Variants in PGPEP1 observed in about 807,000 individuals in gnomAD.
PGPEP1 encodes the protein pyroglutamyl-peptidase 1.
Under a neutral mutation model 24.1 loss-of-function variants are expected in PGPEP1, and 15 were observed. The ratio of observed to expected loss-of-function variants is 0.62; its 90% CI spans 0.42 to 0.96. The LOEUF (loss-of-function observed/expected upper bound fraction) is 0.96. Ranked by LOEUF, PGPEP1 falls within the 40% of genes least tolerant of loss-of-function variation. The pLI is 0.00. For missense variants in PGPEP1, 242 were observed against 273.4 expected (o/e 0.89, Z 0.81); for synonymous variants, 122 against 116.4 (o/e 1.05, Z -0.31).
intron 2 of PGPEP1, among the ~76,000 whole-genome samples, chr19:18,344,145 G>A (rs149247421): frequency 5.7e-4 from 69 of 121,210 alleles, no homozygotes; most frequent in African/African-American, 1.7e-3. Flanking sequence ...GGGTGGCAGG[G>A]GAACATATCT....
In PGPEP1 at chr19:18,366,410, A is replaced by C. The variant is rs1331204140; in HGVS notation, c.*2827A>C. The stretch of plus-strand genomic sequence containing the variant: ...TCACATTTCCTTACCCAGTCAAGCC[A>C]GTATCCCATCCTTCCTCATAATGCA... On this transcript the variant is annotated 3_prime_UTR_variant, in exon 5 of 5. Transcript: ENST00000269919. The C allele has an allele frequency of 6.6e-6, 1 of 152,146 alleles. No homozygotes were observed. The highest frequency in any genetic ancestry group is 1.9e-4 in the East Asian group (1 of 5,200). 9.4% of individuals were successfully genotyped at this position (152,146 alleles called of 1,614,324 possible).
Position 18,340,719 on chromosome 19 carries a change from C to T in PGPEP1, c.34+4C>T. On this transcript the variant is annotated splice_donor_region_variant and intron_variant, in intron 1 of 4. Coordinates refer to ENST00000269919, the MANE Select transcript of PGPEP1 (RefSeq NM_017712.4). ...AGGAAGGCGGTGGTAGTGACGGGTA[C>T]GCTGGCTGATGGGGGCTGTAGCGGC... The T allele has an allele frequency of 1.3e-6, 2 of 1,521,670 alleles. No homozygotes were observed. Among genetic ancestry groups the T allele is most frequent in the South Asian group, 1.2e-5 (1 of 81,752 alleles). The allele number at this position is 1,521,670 out of a possible 1,614,324, so 94.3% of individuals were successfully genotyped here.
chr19:18,350,532 C>T (rs1970990942), intron 2 of PGPEP1, among the ~76,000 whole-genome samples: 1 of 152,172 alleles, frequency 6.6e-6, no homozygotes, highest in Admixed American at 6.5e-5. Flanking sequence ...GCATTTATGC[C>T]CCACCCATCA....
chr19:18,348,138 T>C (rs1269366338), intron 2 of PGPEP1, among the ~76,000 whole-genome samples: 3 of 152,058 alleles, frequency 2.0e-5, no homozygotes, highest in Non-Finnish European at 4.4e-5. Flanking sequence ...CCGTCTCCCC[T>C]ACCTCTCAGG....
At position 18,363,383 on chromosome 19, in the gene PGPEP1, C is replaced by A. The variant is rs143122653; in HGVS notation, c.438-8C>A. 2.5e-6 allele frequency: 4 copies of A among 1,598,198 alleles called. No homozygotes were observed. Among genetic ancestry groups the A allele is most frequent in the Non-Finnish European group, 3.4e-6 (4 of 1,166,830 alleles). On this transcript the variant is annotated splice_region_variant and splice_polypyrimidine_tract_variant and intron_variant, in intron 4 of 4. Coordinates refer to ENST00000269919, the MANE Select transcript of PGPEP1 (RefSeq NM_017712.4). ...TCTCTCTCTTACCCGCCACGCCCTGCGGCTTAGATATCTCTGCGACTTTAC... is the reference window on the plus strand; with the variant it reads ...TCTCTCTCTTACCCGCCACGCCCTGAGGCTTAGATATCTCTGCGACTTTAC...
At chr19:18,359,815 C>G (rs903927104) in intron 4 of PGPEP1, among the ~76,000 whole-genome samples, 1 of 151,202 alleles carries the variant, frequency 6.6e-6, no homozygotes, top group African/African-American at 2.4e-5. Flanking sequence ...GCCTGGCCCT[C>G]TTTCCAGTCT....
At chr19:18,344,783 G>T (rs1970786425) in intron 2 of PGPEP1, among the ~76,000 whole-genome samples, 1 of 152,052 alleles carries the variant, frequency 6.6e-6, no homozygotes, top group Non-Finnish European at 1.5e-5. Context: ...GCCTTCACGG[G>T]GCTGAGTGGA....
intron 1 of PGPEP1, among the ~76,000 whole-genome samples, chr19:18,341,458 G>A (rs978656244): frequency 2.6e-5 from 4 of 152,162 alleles, no homozygotes; most frequent in African/African-American, 4.8e-5. Flanking sequence ...AGGAGTGGGG[G>A]GGTCATTTTG....
intron 2 of PGPEP1, 38 bp from the exon 3 acceptor site, chr19:18,355,857 A>T (rs201547816): frequency 7.7e-7 from 1 of 1,302,244 alleles, no homozygotes; most frequent in African/African-American, 1.4e-5. Context: ...CATAGCTGTC[A>T]TCTGGGGCCA....
rs761885894 is a variant in PGPEP1, at chr19:18,340,672, C to A, written c.-10C>A. On this transcript the variant is annotated 5_prime_UTR_variant, in exon 1 of 5. Transcript: ENST00000269919. ...ACAGAAGCAGGTCCGAGGCACAGCC[C>A]GATCCCGCCATGGAGCAGCCGAGGA... 7 of 1,541,464 alleles carry A rather than the reference C, an allele frequency of 4.5e-6. No homozygotes were observed. In the South Asian group the frequency reaches 7.1e-5, roughly 16 times the overall value.
intron 4 of PGPEP1, chr19:18,357,837 C>T (rs1198890606): frequency 1.8e-6 from 1 of 559,722 alleles, no homozygotes; most frequent in South Asian, 2.0e-5. Flanking sequence ...CCCACCAAGG[C>T]CCCCAGCATC....
chr19:18,346,690 T>G (rs112475085), intron 2 of PGPEP1, among the ~76,000 whole-genome samples: 32,930 of 143,496 alleles, frequency 0.23, 4,290 homozygotes, highest in Non-Finnish European at 0.27. Flanking sequence ...GCCCAGGCTG[T>G]AGTGCAATGG....
chr19:18,367,050 G>A lies in PGPEP1; in HGVS notation c.*3467G>A, dbSNP rs1378892406. 1 of 151,592 alleles carries A rather than the reference G, an allele frequency of 6.6e-6. No homozygotes were observed. Among genetic ancestry groups the A allele is most frequent in the Non-Finnish European group, 1.5e-5 (1 of 68,046 alleles). 9.4% of individuals were successfully genotyped at this position (151,592 alleles called of 1,614,324 possible). A position where few individuals can be genotyped will look rare whatever the true frequency, so the allele number is the denominator to read the frequency against. ...GCATGCCTGTGGTCCCAGATACTCA[G>A]GAGGCTGAGGCAGGAGGATCACCTA... is the stretch of plus-strand genomic sequence containing the variant. On this transcript the variant is annotated 3_prime_UTR_variant, in exon 5 of 5. Transcript: ENST00000269919.
Position 18,357,502 on chromosome 19 carries a change from C to G in PGPEP1, c.324C>G (p.Cys108Trp), listed in dbSNP as rs765068877. Residue 108 changes from cysteine (C) to tryptophan (W), a missense_variant, in exon 4 of 5, where the codon TGC (cysteine) becomes TGG (tryptophan). Cys to Trp is a radical substitution (Grantham distance 215, BLOSUM62 -2). Transcript: ENST00000269919. ...GCTTTTGCCCCGGCTCCCAGTGCTG[C>G]GTGGAGGACGGGCCTGAAAGCATTG... ...NCRFCPGSQC[C>W]VEDGPESIDS... 6.2e-7 allele frequency: 1 copy of G among 1,613,514 alleles called. No homozygotes were observed. The highest frequency in any genetic ancestry group is 1.7e-5 in the Admixed American group (1 of 59,920).
rs773630445 is a variant in PGPEP1 at position 18,355,934 on chromosome 19, C to T, written c.127C>T (p.His43Tyr). ...KLGLGDSVDLHVYEIPVEYQT... is the reference protein window; with the variant it reads ...KLGLGDSVDLYVYEIPVEYQT... Reference sequence around the variant, plus strand: ...AGGCCTTGGCGACAGCGTGGACCTGCATGTGTACGAGATTCCGGTTGAGTA... The same window carrying T: ...AGGCCTTGGCGACAGCGTGGACCTGTATGTGTACGAGATTCCGGTTGAGTA... Residue 43 changes from histidine (H) to tyrosine (Y), a missense_variant, in exon 3 of 5, where the codon CAT becomes TAT. Transcript: ENST00000269919. The T allele has an allele frequency of 6.1e-5, 98 of 1,613,454 alleles. No homozygotes were observed. Among genetic ancestry groups the T allele is most frequent in the Non-Finnish European group, 8.0e-5 (94 of 1,179,586 alleles).
At chr19:18,347,270 CTTT>C (rs59936417) in intron 2 of PGPEP1, among the ~76,000 whole-genome samples, 47 of 94,412 alleles carry the variant, frequency 5.0e-4, no homozygotes, top group Admixed American at 6.2e-4. Context: ...TTCTTTCTTT[CTTT>C]TTTTTTTTTT....
chr19:18,342,225 A>T (rs966367841), intron 1 of PGPEP1, among the ~76,000 whole-genome samples: 62 of 152,204 alleles, frequency 4.1e-4, no homozygotes, highest in African/African-American at 1.5e-3. Flanking sequence ...CTGGATTTGA[A>T]TCCCAGCTTT....
intron 2 of PGPEP1, among the ~76,000 whole-genome samples, chr19:18,346,633 CTTTTTTT>C (rs775309565): frequency 6.4e-4 from 51 of 79,534 alleles, no homozygotes; most frequent in African/African-American, 1.8e-3. Flanking sequence ...CTGTTTCTCT[CTTTTTTT>C]TTTTTTTTTT....
In PGPEP1 at chr19:18,342,884, C is replaced by T. The variant is rs147343602; in HGVS notation, c.60C>T (p.Thr20=). 56 of 1,613,794 alleles carry T rather than the reference C, an allele frequency of 3.5e-5. No homozygotes were observed. The East Asian group carries it at 5.8e-4, about 17-fold the overall frequency. Residue 20 remains threonine (T), a synonymous_variant, in exon 2 of 5, where the codon ACC becomes ACT. Transcript: ENST00000269919. ...GATTTGGCCCTTTTGGGGAACACACCGTGAACGCCAGTTGGATTGCAGTTC... is the reference window on the plus strand; with the variant it reads ...GATTTGGCCCTTTTGGGGAACACACTGTGAACGCCAGTTGGATTGCAGTTC... ...VTGFGPFGEH[T]VNASWIAVQE...
Sources: gnomAD v4.1 joint callset for allele counts (sites outside exome capture counted in the v4.1 genomes callset) on GRCh38, gnomAD v4.1.1 for gene constraint, MANE v1.5 for transcripts, NCBI Gene and HGNC (gene_info 2026-07-23, HGNC 2026-07-21) for gene names.